The following PCNX1 variants were observed in gnomAD, a reference collection of about 807,000 sequenced individuals.
PCNX1 encodes pecanex-like protein 1.
PCNX1 carries 78 observed loss-of-function variants against 242.2 expected under a neutral mutation model. The ratio of observed to expected loss-of-function variants is 0.32; its 90% CI spans 0.27 to 0.39. PCNX1 has a LOEUF of 0.39. PCNX1 is among the 10% of genes least tolerant of loss of function. PCNX1 has a pLI of 1.00. For synonymous variants in PCNX1, 1,024 were observed against 1,032.9 expected, an observed-to-expected ratio of 0.99 and a Z score of 0.17; for missense variants, 2,581 against 2,856.5, an observed-to-expected ratio of 0.90 and a Z score of 2.20.
intron 1 of PCNX1, among the ~76,000 whole-genome samples, chr14:70,945,051 C>T (rs2057403568): frequency 6.6e-6 from 1 of 152,192 alleles, no homozygotes; most frequent in Non-Finnish European, 1.5e-5. Flanking sequence ...GCTCATCCTA[C>T]AGCCCCTCTT....
rs183013199 is a variant in PCNX1, at chr14:71,105,111, C to T, written c.6096-124C>T. On this transcript the variant is annotated intron_variant, in intron 32 of 35. Transcript: ENST00000304743. Reference sequence around the variant, plus strand: ...TTTTTTGTTCCTAATATTGATTGCACCATAAAGACTTTAAAAGGTGAACAT... The same window carrying T: ...TTTTTTGTTCCTAATATTGATTGCATCATAAAGACTTTAAAAGGTGAACAT... 8.5e-5 allele frequency: 60 copies of T among 706,130 alleles called. No homozygotes were observed. In the Admixed American group the frequency reaches 1.1e-3, roughly 13 times the overall value. 43.7% of individuals were successfully genotyped at this position (706,130 alleles called of 1,614,324 possible).
At chr14:70,979,103 T>C (rs1319524333) in intron 6 of PCNX1, among the ~76,000 whole-genome samples, 1 of 152,210 alleles carries the variant, frequency 6.6e-6, no homozygotes, top group East Asian at 1.9e-4. Flanking sequence ...AATATTACTT[T>C]AGATCTGATT....
rs2057488084 is a variant in PCNX1, at chr14:70,947,117, G to A, written c.356G>A (p.Gly119Glu). 1 of 1,606,816 alleles carries A rather than the reference G, an allele frequency of 6.2e-7. No individual in the cohort carries two copies. The highest frequency in any genetic ancestry group is 2.2e-5 in the East Asian group (1 of 44,736). The change falls in exon 2 of 36, where the codon GGA (glycine) becomes GAA (glutamate). Residue 119 changes from glycine to glutamate, a missense_variant. Around this residue, in one of 9 missense-constraint regions of PCNX1, gnomAD observed 1,204 missense variants for 1,216.7 expected, o/e 0.99. Transcript: ENST00000304743. ...TCAACCAGGAGAAAAGACAGCAATG[G>A]ACCGAGGTAAGGAAACCTATGTCAT... The part of the protein sequence containing the change: ...NCSTRRKDSN[G>E]PSDPGGGIEM...
intron 1 of PCNX1, 124 bp from the exon 2 acceptor site, chr14:70,946,791 A>C: frequency 1.4e-6 from 1 of 720,042 alleles, no homozygotes; most frequent in Non-Finnish European, 2.3e-6. Flanking sequence ...TTTGCAGCTT[A>C]GCGCTAGTAA....
chr14:70,977,846 G>A lies in PCNX1; in HGVS notation c.1509G>A (p.Gly503=). ...ATGCAAATGAATTTACTTCCCAAGG[G>A]GACAGACCACCTGGGAACACTGCAG... ...NPHANEFTSQ[G]DRPPGNTAEN... The change falls in exon 6 of 36, where the codon GGG becomes GGA. Residue 503 remains glycine, a synonymous_variant. Transcript: ENST00000304743. The A allele has an allele frequency of 6.2e-7, 1 of 1,614,080 alleles. No homozygotes were observed. The highest frequency in any genetic ancestry group is 8.5e-7 in the Non-Finnish European group (1 of 1,180,000).
chr14:70,996,017 T>A, intron 8 of PCNX1, 92 bp downstream of exon 8: 2 of 965,940 alleles, frequency 2.1e-6, no homozygotes. Flanking sequence ...GATAGTTTCA[T>A]TTTGGAACTA....
chr14:70,984,260 T>C (rs2058930748), intron 6 of PCNX1, among the ~76,000 whole-genome samples: 1 of 151,538 alleles, frequency 6.6e-6, no homozygotes, highest in Non-Finnish European at 1.5e-5. Context: ...AGCAATTTCC[T>C]CTGTCTAAAT....
chr14:71,004,934 A>G (rs1381390773), intron 8 of PCNX1, among the ~76,000 whole-genome samples: 1 of 152,134 alleles, frequency 6.6e-6, no homozygotes, highest in Non-Finnish European at 1.5e-5. Flanking sequence ...CTGCCCATAT[A>G]TCTCTCTTTG....
intron 24 of PCNX1, chr14:71,053,154 A>AG (rs2061084910): frequency 2.5e-6 from 1 of 398,244 alleles, no homozygotes; most frequent in Non-Finnish European, 4.8e-6. Flanking sequence ...CATTTTGGTG[A>AG]ATTTTGGTGT....
At chr14:70,974,970 AGTATC>A (rs2140089767) in intron 5 of PCNX1, among the ~76,000 whole-genome samples, 1 of 152,326 alleles carries the variant, frequency 6.6e-6, no homozygotes, top group East Asian at 1.9e-4. Context: ...TTTGTTTAGC[AGTATC>A]GAAAAAAGTG....
chr14:71,024,715 T>C (rs936504345), intron 13 of PCNX1, among the ~76,000 whole-genome samples: 5 of 152,170 alleles, frequency 3.3e-5, no homozygotes, highest in Non-Finnish European at 7.3e-5. Context: ...GTATTAACAT[T>C]TTGGCCAGCT....
rs374363891 is a variant in PCNX1 at position 71,114,771 on chromosome 14, G to C, written c.*4836G>C. 6.6e-6 allele frequency: 1 copy of C among 152,518 alleles called. No homozygotes were observed. Among genetic ancestry groups the C allele is most frequent in the Non-Finnish European group, 1.5e-5 (1 of 68,026 alleles). 9.4% of individuals were successfully genotyped at this position (152,518 alleles called of 1,614,324 possible). ...ACAAAGGTCATCTAACACTGTGATG[G>C]GGATGAATTCCTGAGTTTTACCTGC... On this transcript the variant is annotated 3_prime_UTR_variant, in exon 36 of 36. Transcript: ENST00000304743.
chr14:71,033,683 T>G, intron 17 of PCNX1, 145 bp downstream of exon 17: 1 of 595,176 alleles, frequency 1.7e-6, no homozygotes, highest in East Asian at 2.8e-5. Flanking sequence ...ATAATAATTT[T>G]GGGTTATTCA....
chr14:70,918,908 G>A (rs2056258398), intron 1 of PCNX1, among the ~76,000 whole-genome samples: 1 of 143,066 alleles, frequency 7.0e-6, no homozygotes, highest in Admixed American at 7.0e-5. Flanking sequence ...TTTAGACAAA[G>A]TCTTTTTCAT....
At chr14:71,066,669 G>C (rs1424916097) in intron 26 of PCNX1, among the ~76,000 whole-genome samples, 1 of 152,140 alleles carries the variant, frequency 6.6e-6, no homozygotes, top group East Asian at 1.9e-4. Context: ...GTGAGAGAGG[G>C]CATCCTTGTC....
At position 71,110,090 on chromosome 14, in the gene PCNX1, C is replaced by T; in HGVS notation, c.*155C>T. The stretch of plus-strand genomic sequence containing the variant: ...AGCTTGGTTAAGCACCTCTCCTTTG[C>T]CCTTCACCCTGACTCCTGTCACTGT... On this transcript the variant is annotated 3_prime_UTR_variant, in exon 36 of 36. Coordinates refer to ENST00000304743, the MANE Select transcript of PCNX1 (RefSeq NM_014982.3). 1 of 726,074 alleles carries T rather than the reference C, an allele frequency of 1.4e-6. No individual in the cohort carries two copies. The highest frequency in any genetic ancestry group is 1.7e-5 in the African/African-American group (1 of 57,746). The allele number at this position is 726,074 out of a possible 1,614,324, so 45.0% of individuals were successfully genotyped here.
chr14:71,002,153 T>A (rs1373655685), intron 8 of PCNX1, among the ~76,000 whole-genome samples: 1 of 152,196 alleles, frequency 6.6e-6, no homozygotes, highest in Non-Finnish European at 1.5e-5. Context: ...GCAGTGGCTG[T>A]CTTTGGGTAG....
At position 70,994,427 on chromosome 14, in the gene PCNX1, A is replaced by ATATATATATATATG. The variant is rs930212552; in HGVS notation, c.2445-1311_2445-1310insATATATATATGTAT. ...TATATATATATATATATATATATAT[A>ATATATATATATATG]TATGTATGTATGTATGTTTCAACAT... On this transcript the variant is annotated intron_variant, in intron 7 of 35. Transcript: ENST00000304743. Among the ~76,000 whole-genome samples, 702 of 88,416 alleles carry ATATATATATATATG rather than the reference A, an allele frequency of 7.9e-3. 6 individuals are homozygous for ATATATATATATATG. The highest frequency in any genetic ancestry group is 0.025 in the African/African-American group (600 of 23,838). 58.0% of individuals were successfully genotyped at this position (88,416 alleles called of 152,430 possible). A position where few individuals can be genotyped will look rare whatever the true frequency, so the allele number is the denominator to read the frequency against.
intron 18 of PCNX1, among the ~76,000 whole-genome samples, chr14:71,034,241 T>C (rs1348179880): frequency 6.6e-6 from 1 of 152,162 alleles, no homozygotes; most frequent in Admixed American, 6.6e-5. Context: ...GGTTTGTGTG[T>C]AGAACAGAAT....
Sources: gnomAD v4.1 joint callset for allele counts (sites outside exome capture counted in the v4.1 genomes callset) on GRCh38, gnomAD v4.1.1 for gene constraint, gnomAD v4.1.1 regional missense constraint, MANE v1.5 for transcripts, NCBI Gene and HGNC (gene_info 2026-07-23, HGNC 2026-07-21) for gene names.